The following PACRG variants were observed in gnomAD, a reference collection of about 807,000 sequenced individuals.
The protein encoded by PACRG is parkin coregulated gene protein.
PACRG carries 29 observed loss-of-function variants against 29.7 expected under a neutral mutation model. The observed-to-expected ratio is 0.98, with a 90% CI of 0.73 to 1.33. The LOEUF is 1.33. PACRG is among the 40% of genes most tolerant of loss of function. PACRG has a pLI of 0.00. For missense variants in PACRG, 279 were observed against 316.2 expected (o/e 0.88, Z 0.89); for synonymous variants, 116 against 118.7 (o/e 0.98, Z 0.15).
intron 4 of PACRG, among the ~76,000 whole-genome samples, chr6:163,123,389 C>G (rs962722545): frequency 3.4e-4 from 52 of 152,216 alleles, no homozygotes; most frequent in African/African-American, 1.2e-3. Flanking sequence ...ATCAATGTTG[C>G]CAGCCTGGTT....
intron 2 of PACRG, among the ~76,000 whole-genome samples, chr6:163,052,787 C>T (rs1396861926): frequency 1.3e-5 from 2 of 152,136 alleles, no homozygotes; most frequent in Non-Finnish European, 1.5e-5. Context: ...CTGTCTTACA[C>T]ATTTGTTATG....
rs548692169 is a variant in PACRG, at chr6:162,783,922, A to G, written c.157-30225A>G. Among the ~76,000 whole-genome samples, 12 of 152,214 alleles carry G rather than the reference A, an allele frequency of 7.9e-5. No homozygotes were observed. The East Asian group carries it at 2.3e-3, about 29-fold the overall frequency. On this transcript the variant is annotated intron_variant, in intron 1 of 4. Coordinates refer to ENST00000366888, the MANE Select transcript of PACRG (RefSeq NM_001080379.2). ...ACTTCATCTCCTTGCTTTTGTGTAT[A>G]TTGAACATAAGGATACTATCTTTTC...
chr6:162,935,854 A>G (rs1798197493), intron 2 of PACRG, among the ~76,000 whole-genome samples: 1 of 152,182 alleles, frequency 6.6e-6, no homozygotes. Flanking sequence ...ATTGAATATT[A>G]CCAAATTTAA....
chr6:163,129,195 A>G (rs2128328185), intron 4 of PACRG, among the ~76,000 whole-genome samples: 1 of 152,284 alleles, frequency 6.6e-6, no homozygotes, highest in South Asian at 2.1e-4. Context: ...GAAGTTGGGG[A>G]AGGGTCTGGA....
At chr6:163,095,864 A>G (rs1422426456) in intron 4 of PACRG, among the ~76,000 whole-genome samples, 1 of 152,122 alleles carries the variant, frequency 6.6e-6, no homozygotes, top group Non-Finnish European at 1.5e-5. Context: ...AAAAGACAGG[A>G]ATTTGGGGGA....
At chr6:162,805,753 A>G (rs2128346944) in intron 1 of PACRG, among the ~76,000 whole-genome samples, 1 of 152,350 alleles carries the variant, frequency 6.6e-6, no homozygotes, top group African/African-American at 2.4e-5. Context: ...TTCTGCCTCA[A>G]GAAACTACTT....
Position 162,735,679 on chromosome 6 carries a change from A to T in PACRG, c.156+7288A>T, listed in dbSNP as rs191995394. Among the ~76,000 whole-genome samples, 408 of 152,282 alleles carry T rather than the reference A, an allele frequency of 2.7e-3. 1 individual carries two copies. The highest frequency in any genetic ancestry group is 3.7e-3 in the Non-Finnish European group (253 of 68,028). ...CTAGTATTGTATGTATTGCAACTAC[A>T]GTTACCCACTCTGTGAGTTTCCTTT... On this transcript the variant is annotated intron_variant, in intron 1 of 4. Coordinates refer to ENST00000366888, the MANE Select transcript of PACRG (RefSeq NM_001080379.2).
At chr6:162,956,734 C>T (rs999543021) in intron 2 of PACRG, among the ~76,000 whole-genome samples, 1 of 152,192 alleles carries the variant, frequency 6.6e-6, no homozygotes, top group Non-Finnish European at 1.5e-5. Context: ...CTGTTTCCAA[C>T]CTCCTCTGTT....
intron 2 of PACRG, among the ~76,000 whole-genome samples, chr6:162,922,608 A>C (rs1797146858): frequency 1.4e-5 from 2 of 147,312 alleles, no homozygotes; most frequent in Admixed American, 1.4e-4. Context: ...CCACAATTCC[A>C]CTCTCTACTT....
chr6:162,823,221 A>G (rs989842980), intron 2 of PACRG, among the ~76,000 whole-genome samples: 1 of 152,042 alleles, frequency 6.6e-6, no homozygotes, highest in African/African-American at 2.4e-5. Context: ...TAAATGCACT[A>G]TTTTTGTGTA....
chr6:162,918,704 G>T (rs1323245220), intron 2 of PACRG, among the ~76,000 whole-genome samples: 2 of 152,132 alleles, frequency 1.3e-5, no homozygotes, highest in African/African-American at 4.8e-5. Flanking sequence ...AGCAACTGAA[G>T]AATATAATAC....
chr6:163,173,437 C>T (rs1008883426), intron 4 of PACRG, among the ~76,000 whole-genome samples: 1 of 152,060 alleles, frequency 6.6e-6, no homozygotes, highest in African/African-American at 2.4e-5. Flanking sequence ...AGGCCAAAAC[C>T]GTAGAGGATT....
intron 4 of PACRG, among the ~76,000 whole-genome samples, chr6:163,147,389 A>G (rs1777844352): frequency 6.6e-6 from 1 of 152,188 alleles, no homozygotes; most frequent in Non-Finnish European, 1.5e-5. Flanking sequence ...ATCCTCATGA[A>G]ATCTGACTAT....
chr6:163,238,932 GTTGTT>G (rs1782356097), intron 4 of PACRG, among the ~76,000 whole-genome samples: 1 of 152,126 alleles, frequency 6.6e-6, no homozygotes, highest in Non-Finnish European at 1.5e-5. Context: ...AATCACCCAT[GTTGTT>G]TTGCTATCTC....
intron 2 of PACRG, among the ~76,000 whole-genome samples, chr6:163,048,319 A>G (rs1257353262): frequency 6.6e-6 from 1 of 152,218 alleles, no homozygotes; most frequent in Non-Finnish European, 1.5e-5. Context: ...GGTTTCTGCT[A>G]AGCGTTTTTA....
intron 1 of PACRG, among the ~76,000 whole-genome samples, chr6:162,795,839 TTTG>T (rs1785338561): frequency 6.6e-6 from 1 of 152,204 alleles, no homozygotes; most frequent in Non-Finnish European, 1.5e-5. Flanking sequence ...TACTTTATTT[TTTG>T]TTACTATAAT....
chr6:163,085,806 T>G (rs1296346231), intron 3 of PACRG, among the ~76,000 whole-genome samples: 1 of 152,230 alleles, frequency 6.6e-6, no homozygotes, highest in Non-Finnish European at 1.5e-5. Context: ...TTATGTGTAA[T>G]TGTCACATTT....
chr6:163,241,982 A>G (rs539344839), intron 4 of PACRG, among the ~76,000 whole-genome samples: 2 of 152,318 alleles, frequency 1.3e-5, no homozygotes, highest in African/African-American at 2.4e-5. Context: ...AAAAACAGTC[A>G]TGTCACTGCC....
At position 162,794,930 on chromosome 6, in the gene PACRG, G is replaced by T. The variant is rs75160134; in HGVS notation, c.157-19217G>T. On this transcript the variant is annotated intron_variant, in intron 1 of 4. Transcript: ENST00000366888. ...AGGAATGAATACTATGGAAAAAAGA[G>T]AAAGTGAATGAATACTATGAATATT... Among the ~76,000 whole-genome samples, 5 of 152,080 alleles carry T rather than the reference G, an allele frequency of 3.3e-5. No individual in the cohort carries two copies. In the East Asian group the frequency reaches 7.7e-4, roughly 24 times the overall value.
Sources: gnomAD v4.1 joint callset for allele counts (sites outside exome capture counted in the v4.1 genomes callset) on GRCh38, gnomAD v4.1.1 for gene constraint, MANE v1.5 for transcripts, NCBI Gene and HGNC (gene_info 2026-07-23, HGNC 2026-07-21) for gene names.